Variants in CLNK observed in about 807,000 individuals in gnomAD.
CLNK encodes cytokine dependent hematopoietic cell linker, also known as cytokine-dependent hematopoietic cell linker.
A neutral mutation model predicts 68.6 loss-of-function variants in CLNK; 74 were observed. The observed-to-expected ratio is 1.08, with a 90% CI of 0.89 to 1.31. The LOEUF (loss-of-function observed/expected upper bound fraction) is 1.31. CLNK is among the 50% of genes most tolerant of loss of function. The pLI, the probability that CLNK is intolerant of heterozygous loss-of-function variation, is 0.00. For missense variants in CLNK, 553 were observed against 515.3 expected (o/e 1.07, Z -0.71); for synonymous variants, 198 against 172.2 (o/e 1.15, Z -1.17).
chr4:10,630,488 G>T (rs984144149), intron 2 of CLNK, among the ~76,000 whole-genome samples: 1 of 152,096 alleles, frequency 6.6e-6, no homozygotes, highest in South Asian at 2.1e-4. Flanking sequence ...CCAAACTCTG[G>T]GCTATGTGTT....
chr4:10,727,744 A>C, the CLNK span, among the ~76,000 whole-genome samples: 1 of 152,210 alleles, frequency 6.6e-6, no homozygotes, highest in African/African-American at 2.4e-5. Context: ...GCAACGAATA[A>C]GTAAAATACT....
chr4:10,491,159 A>G (rs1716555224), intron 18 of CLNK, among the ~76,000 whole-genome samples: 4 of 152,270 alleles, frequency 2.6e-5, no homozygotes, highest in South Asian at 2.1e-4. Context: ...ACCAAAAGTG[A>G]GCCCTATGGC....
rs75741253 is a variant in CLNK at position 10,598,046 on chromosome 4, G to T, written c.15C>A (p.Gly5=). ...ATCCTTCTTTAGTTGTCTTTCTATT[G>T]CCCCTGGGATGAAAGAAAATAAATT... MNRQ[G]NRKTTKEGSN... Residue 5 remains glycine (G), a synonymous_variant, in exon 3 of 19, where the codon GGC becomes GGA. Transcript: ENST00000226951. The T allele has an allele frequency of 0.044, 69,801 of 1,571,822 alleles. 1,802 individuals are homozygous for T. The highest frequency in any genetic ancestry group is 0.053 in the Non-Finnish European group (60,818 of 1,154,376).
At chr4:10,504,470 C>T (rs548666015) in intron 17 of CLNK, among the ~76,000 whole-genome samples, 31 of 152,150 alleles carry the variant, frequency 2.0e-4, no homozygotes, top group Non-Finnish European at 4.1e-4. Context: ...ATTTTAGTCT[C>T]ATTTTACAGG....
the CLNK span, among the ~76,000 whole-genome samples, chr4:10,705,498 C>T: frequency 2.0e-5 from 3 of 152,160 alleles, no homozygotes; most frequent in East Asian, 1.9e-4. Flanking sequence ...GGGTCCAATT[C>T]CTTTCCTTCT....
In CLNK at chr4:10,537,706, C is replaced by CCTTCCTTGCTTTCTTT. The variant is rs1553848181; in HGVS notation, c.602+2787_602+2788insAAAGAAAGCAAGGAAG. ...TCCTTCCTTCCTTCCTTCCTTCCTTCCTTTCTTTCTTTCTTTCTTTCTTTC... is the reference window on the plus strand; with the variant it reads ...TCCTTCCTTCCTTCCTTCCTTCCTTCCTTCCTTGCTTTCTTTCTTTCTTTCTTTCTTTCTTTCTTTC... On this transcript the variant is annotated intron_variant, in intron 11 of 18. Coordinates refer to ENST00000226951, the MANE Select transcript of CLNK (RefSeq NM_052964.4). Among the ~76,000 whole-genome samples, 12 of 13,404 alleles carry CCTTCCTTGCTTTCTTT rather than the reference C, an allele frequency of 9.0e-4. 1 individual carries two copies. The highest frequency in any genetic ancestry group is 2.7e-3 in the African/African-American group (10 of 3,710). 8.8% of individuals were successfully genotyped at this position (13,404 alleles called of 152,430 possible).
chr4:10,701,524 T>C, the CLNK span, among the ~76,000 whole-genome samples: 1 of 152,156 alleles, frequency 6.6e-6, no homozygotes, highest in Non-Finnish European at 1.5e-5. Flanking sequence ...TGCTGTGAGA[T>C]ACTGAAAATA....
intron 1 of CLNK, among the ~76,000 whole-genome samples, chr4:10,680,354 C>T (rs1176483104): frequency 9.1e-6 from 1 of 109,648 alleles, no homozygotes; most frequent in Non-Finnish European, 1.7e-5. Context: ...ACATCACACA[C>T]TGGGGCCTGT....
rs532171076 is a variant in CLNK, at chr4:10,541,587, CAT to C, written c.491+433_491+434del. ...ATAGTATTTATATTTATATATGTGT[CAT>C]ATATATATGTATATATATATATCTC... is the stretch of plus-strand genomic sequence containing the variant. On this transcript the variant is annotated intron_variant, in intron 10 of 18. Transcript: ENST00000226951. 1.6e-3 allele frequency among the ~76,000 whole-genome samples: 221 copies of C among 137,978 alleles called. 2 individuals carry two copies. The highest frequency in any genetic ancestry group is 5.1e-3 in the African/African-American group (209 of 40,870). 90.5% of individuals were successfully genotyped at this position (137,978 alleles called of 152,430 possible).
intron 17 of CLNK, among the ~76,000 whole-genome samples, chr4:10,505,359 T>C (rs1235672062): frequency 6.6e-6 from 1 of 152,244 alleles, no homozygotes; most frequent in African/African-American, 2.4e-5. Context: ...TTCTCTGCTT[T>C]ATGACCAACA....
chr4:10,725,678 A>G, the CLNK span, among the ~76,000 whole-genome samples: 140 of 152,118 alleles, frequency 9.2e-4, 3 homozygotes, highest in Non-Finnish European at 2.1e-4. Flanking sequence ...ATGGTGAAAC[A>G]CCTTCTCTAC....
intron 18 of CLNK, among the ~76,000 whole-genome samples, chr4:10,493,262 G>T (rs867348358): frequency 7.2e-5 from 11 of 152,312 alleles, no homozygotes; most frequent in Non-Finnish European, 1.3e-4. Context: ...AGGTTGCAGT[G>T]AGCTGTGATG....
intron 2 of CLNK, among the ~76,000 whole-genome samples, chr4:10,638,095 C>T (rs1020290077): frequency 2.0e-5 from 3 of 152,148 alleles, no homozygotes; most frequent in Admixed American, 6.5e-5. Context: ...CTGAATGTAG[C>T]CCCGAACTGT....
intron 2 of CLNK, among the ~76,000 whole-genome samples, chr4:10,655,334 C>CAGAGAGAGAGAG (rs148877353): frequency 0.049 from 6,621 of 134,900 alleles, 223 homozygotes; most frequent in Non-Finnish European, 0.064. Flanking sequence ...CCCCCAAAGA[C>CAGAGAGAGAGAG]AGAGAGAGAG....
the CLNK span, among the ~76,000 whole-genome samples, chr4:10,720,714 G>T: frequency 2.0e-5 from 3 of 150,434 alleles, no homozygotes; most frequent in South Asian, 6.4e-4. Flanking sequence ...TGCTGACAAG[G>T]ATATGTTGAA....
intron 1 of CLNK, among the ~76,000 whole-genome samples, chr4:10,674,805 C>G (rs542221520): frequency 6.6e-6 from 1 of 152,244 alleles, no homozygotes; most frequent in Non-Finnish European, 1.5e-5. Context: ...GTAAAGATAA[C>G]GGATTTGATT....
At chr4:10,528,130 C>T (rs1718395349) in intron 12 of CLNK, 36 bp from the exon 13 acceptor site, 4 of 1,133,832 alleles carry the variant, frequency 3.5e-6, no homozygotes, top group Admixed American at 3.9e-5. Context: ...TTTACTGACT[C>T]TTGATGACAG....
intron 1 of CLNK, among the ~76,000 whole-genome samples, chr4:10,674,255 G>A (rs1030506554): frequency 5.3e-5 from 8 of 152,058 alleles, no homozygotes; most frequent in South Asian, 2.1e-4. Context: ...AGGTACAAAG[G>A]AGCCCAGGGT....
chr4:10,498,787 G>A (rs1330253279), intron 18 of CLNK, among the ~76,000 whole-genome samples: 2 of 152,100 alleles, frequency 1.3e-5, no homozygotes, highest in African/African-American at 2.4e-5. Flanking sequence ...TCTGTCTTTC[G>A]TGTTAACGTA....
Sources: gnomAD v4.1 joint callset for allele counts (sites outside exome capture counted in the v4.1 genomes callset) on GRCh38, gnomAD v4.1.1 for gene constraint, MANE v1.5 for transcripts, NCBI Gene and HGNC (gene_info 2026-07-23, HGNC 2026-07-21) for gene names.